The following PLEKHM1 variants were observed in gnomAD, a reference collection of about 807,000 sequenced individuals.
The protein encoded by PLEKHM1 is pleckstrin homology and RUN domain containing M1, also known as pleckstrin homology domain-containing family M member 1.
PLEKHM1 carries 28 observed loss-of-function variants against 94.3 expected under a neutral mutation model. That is an observed-to-expected ratio of 0.30 (90% CI 0.22 to 0.41). The LOEUF is 0.41. Ranked by LOEUF, PLEKHM1 falls within the 10% of genes least tolerant of loss-of-function variation. The probability of loss-of-function intolerance (pLI) is 1.00; values close to 1 mark genes in which losing one functional copy is unlikely to be tolerated. For missense variants in PLEKHM1, 907 were observed against 1,358.6 expected (o/e 0.67, Z 5.22); for synonymous variants, 424 against 581.2 (o/e 0.73, Z 3.89).
At chr17:45,463,269 C>T (rs1343630519) in intron 5 of PLEKHM1, among the ~76,000 whole-genome samples, 1 of 152,114 alleles carries the variant, frequency 6.6e-6, no homozygotes, top group Non-Finnish European at 1.5e-5. Context: ...GCAGGTTCCT[C>T]GGAGCTTCTG....
chr17:45,478,717 A>G (rs1490576330), intron 2 of PLEKHM1, among the ~76,000 whole-genome samples: 1 of 151,842 alleles, frequency 6.6e-6, no homozygotes, highest in Non-Finnish European at 1.5e-5. Context: ...GTAATCCCAG[A>G]ACTTTGGGAG....
chr17:45,439,514 C>G lies in PLEKHM1; in HGVS notation c.3022G>C (p.Asp1008His). 6.2e-7 allele frequency: 1 copy of G among 1,614,194 alleles called. No homozygotes were observed. Among genetic ancestry groups the G allele is most frequent in the East Asian group, 2.2e-5 (1 of 44,880 alleles). Residue 1008 changes from aspartate (D) to histidine (H), a missense_variant, in exon 11 of 12, where the codon GAC becomes CAC. Physicochemically the swap from Asp to His is moderately conservative, Grantham distance 81. Transcript: ENST00000430334. ...GFICQICQHHDIIFPFEFDTT... is the reference protein window; with the variant it reads ...GFICQICQHHHIIFPFEFDTT... ...TCAAACTCAAAGGGGAAGATGATGT[C>G]GTGGTGCTGGCAGATCTGGCAGATG...
At chr17:45,465,179 G>C (rs923565506) in intron 5 of PLEKHM1, among the ~76,000 whole-genome samples, 2 of 151,754 alleles carry the variant, frequency 1.3e-5, no homozygotes, top group African/African-American at 4.8e-5. Flanking sequence ...AAGTGAACAG[G>C]CCTGGTGCTC....
Position 45,439,496 on chromosome 17 carries a change from C to G in PLEKHM1, c.3040G>C (p.Glu1014Gln). The G allele has an allele frequency of 6.2e-7, 1 of 1,614,152 alleles. No homozygotes were observed. The highest frequency in any genetic ancestry group is 1.1e-5 in the South Asian group (1 of 91,080). Residue 1014 changes from glutamate to glutamine, a missense_variant, in exon 11 of 12, where the codon GAG (glutamate) becomes CAG (glutamine). Coordinates refer to ENST00000430334, the MANE Select transcript of PLEKHM1 (RefSeq NM_014798.3). ...CQHHDIIFPF[E>Q]FDTTVRCAEC... ...GCATACCTGACTGTGGTGTCAAACT[C>G]AAAGGGGAAGATGATGTCGTGGTGC...
chr17:45,482,494 C>T lies in PLEKHM1; in HGVS notation c.-10G>A, dbSNP rs747870475. ...CCACCACTGAAAGCATCTCCACTCA[C>T]GCAGCTGCTCCCTCAGAGAATCACA... On this transcript the variant is annotated 5_prime_UTR_variant, in exon 2 of 12. It adds an upstream start codon to the 5' untranslated region. Transcript: ENST00000430334. 33 of 1,006,182 alleles carry T rather than the reference C, an allele frequency of 3.3e-5. No individual in the cohort carries two copies. Among genetic ancestry groups the T allele is most frequent in the East Asian group, 1.7e-4 (7 of 40,850 alleles). The allele number at this position is 1,006,182 out of a possible 1,614,324, so 62.3% of individuals were successfully genotyped here.
chr17:45,476,309 GCTC>G (rs942751244), intron 3 of PLEKHM1, among the ~76,000 whole-genome samples: 11 of 151,656 alleles, frequency 7.3e-5, no homozygotes, highest in African/African-American at 2.7e-4. Flanking sequence ...TGCTGTCAGA[GCTC>G]CTTAAGTGCA....
At chr17:45,465,600 C>T (rs753205435) in intron 5 of PLEKHM1, among the ~76,000 whole-genome samples, 2 of 152,074 alleles carry the variant, frequency 1.3e-5, no homozygotes, top group African/African-American at 2.4e-5. Context: ...ATCCCAGCTA[C>T]TTGGGAGGCT....
downstream of PLEKHM1, among the ~76,000 whole-genome samples, chr17:45,434,860 T>C (rs761431110): frequency 3.3e-5 from 5 of 150,130 alleles, no homozygotes; most frequent in Non-Finnish European, 5.9e-5. Flanking sequence ...TCTCAGCTAC[T>C]CAGGAGGCTG....
chr17:45,440,128 TAG>T, intron 10 of PLEKHM1, 33 bp downstream of exon 10: 1 of 1,589,650 alleles, frequency 6.3e-7, no homozygotes, highest in African/African-American at 1.3e-5. Context: ...GAAGTCTCTC[TAG>T]AGGTCTGGGC....
At chr17:45,451,263 G>A (rs770059513) in intron 7 of PLEKHM1, among the ~76,000 whole-genome samples, 2 of 152,238 alleles carry the variant, frequency 1.3e-5, no homozygotes, top group African/African-American at 2.4e-5. Flanking sequence ...AACAGGGAGC[G>A]GATGGGCAGC....
chr17:45,435,018 AG>A (rs2050226533), downstream of PLEKHM1, among the ~76,000 whole-genome samples: 1 of 149,794 alleles, frequency 6.7e-6, no homozygotes, highest in Admixed American at 6.6e-5. Context: ...AAGTGGCCTC[AG>A]GGGCGCTTTG....
intron 1 of PLEKHM1, among the ~76,000 whole-genome samples, chr17:45,488,670 G>A (rs1007226718): frequency 2.0e-5 from 3 of 152,186 alleles, no homozygotes; most frequent in Admixed American, 2.0e-4. Flanking sequence ...CAGGTGCGGC[G>A]GCTCACGCCC....
At chr17:45,477,117 G>A in intron 3 of PLEKHM1, 1 of 152,792 alleles carries the variant, frequency 6.5e-6, no homozygotes, top group Non-Finnish European at 1.5e-5. Context: ...GACAGTTAGG[G>A]GCCAAAGAGA....
At chr17:45,438,942 G>A (rs2050354907) in intron 11 of PLEKHM1, among the ~76,000 whole-genome samples, 1 of 152,258 alleles carries the variant, frequency 6.6e-6, no homozygotes, top group African/African-American at 2.4e-5. Flanking sequence ...AAGAACTAAT[G>A]TTCCCAGTTC....
intron 10 of PLEKHM1, 132 bp from the exon 11 acceptor site, chr17:45,439,766 C>G: frequency 2.5e-6 from 3 of 1,188,560 alleles, no homozygotes; most frequent in South Asian, 1.3e-5. Flanking sequence ...ACTTCTACCC[C>G]CCGTTTCCAC....
intron 5 of PLEKHM1, among the ~76,000 whole-genome samples, chr17:45,463,172 A>G (rs557787945): frequency 6.6e-6 from 1 of 152,174 alleles, no homozygotes; most frequent in African/African-American, 2.4e-5. Context: ...AAATGTTCAG[A>G]CACAGTCCAT....
chr17:45,474,061 TA>T lies in PLEKHM1; in HGVS notation c.923+1038del, dbSNP rs201580727. Among the ~76,000 whole-genome samples the T allele has an allele frequency of 1.8e-3, 264 of 146,776 alleles. 2 individuals are homozygous for T. The highest frequency in any genetic ancestry group is 4.0e-3 in the African/African-American group (163 of 40,658). On this transcript the variant is annotated intron_variant, in intron 4 of 11. Transcript: ENST00000430334. ...AAATTTTTTATTTTATTTATTTATT[TA>T]TTTTTTTTTTTTGAGACAGAGTCTT... is the stretch of plus-strand genomic sequence containing the variant.
chr17:45,434,574 T>C (rs1374491036), downstream of PLEKHM1, among the ~76,000 whole-genome samples: 2 of 151,320 alleles, frequency 1.3e-5, no homozygotes, highest in Non-Finnish European at 2.9e-5. Flanking sequence ...GCTTCCTGAG[T>C]AGCTGGGATT....
Position 45,437,772 on chromosome 17 carries a change from G to T in PLEKHM1, c.*86C>A. ...CAAGGGGACACAGCTGTGACACGGT[G>T]AGTATCCTGGGCTGATGGCAAACCC... On this transcript the variant is annotated 3_prime_UTR_variant, in exon 12 of 12. Coordinates refer to ENST00000430334, the MANE Select transcript of PLEKHM1 (RefSeq NM_014798.3). This position sits in a 1 kb window ranked among gnomAD's most constrained non-coding sequence, Gnocchi z 4.0. 1 of 1,002,112 alleles carries T rather than the reference G, an allele frequency of 1.0e-6. No individual in the cohort carries two copies. Among genetic ancestry groups the T allele is most frequent in the South Asian group, 1.3e-5 (1 of 78,114 alleles). 62.1% of individuals were successfully genotyped at this position (1,002,112 alleles called of 1,614,324 possible).
Sources: gnomAD v4.1 joint callset for allele counts (sites outside exome capture counted in the v4.1 genomes callset) on GRCh38, gnomAD v4.1.1 for gene constraint, Gnocchi (gnomAD v3.1) non-coding constraint, MANE v1.5 for transcripts, NCBI Gene and HGNC (gene_info 2026-07-23, HGNC 2026-07-21) for gene names.